The following SCRN1 variants were observed in gnomAD, a reference collection of about 807,000 sequenced individuals.
SCRN1 encodes the protein secernin-1.
SCRN1 carries 19 observed loss-of-function variants against 43.3 expected under a neutral mutation model. The observed-to-expected ratio is 0.44, with a 90% CI of 0.31 to 0.64. The LOEUF is 0.64. Ranked by LOEUF, SCRN1 falls within the 30% of genes least tolerant of loss-of-function variation. The pLI, the probability that SCRN1 is intolerant of heterozygous loss-of-function variation, is 0.09. For synonymous variants in SCRN1, 183 were observed against 188.9 expected (o/e 0.97, Z 0.26); for missense variants, 447 against 524.1 (o/e 0.85, Z 1.44).
chr7:29,953,211 T>A (rs1043309927), intron 3 of SCRN1, among the ~76,000 whole-genome samples: 1 of 152,230 alleles, frequency 6.6e-6, no homozygotes. Context: ...TTGAGTTACC[T>A]CTCTCCTACT....
At chr7:29,978,114 C>T (rs747827121) in intron 1 of SCRN1, among the ~76,000 whole-genome samples, 1 of 152,220 alleles carries the variant, frequency 6.6e-6, no homozygotes, top group Non-Finnish European at 1.5e-5. Flanking sequence ...TGACAGTTAA[C>T]TCTGTGGTCT....
chr7:29,960,003 AAGGAAGGGAGGG>A (rs1233578937), intron 2 of SCRN1, among the ~76,000 whole-genome samples: 1 of 108,032 alleles, frequency 9.3e-6, no homozygotes, highest in Non-Finnish European at 1.8e-5. Context: ...GAAAGGAAGG[AAGGAAGGGAGGG>A]AGGGAGGGAG....
At chr7:29,962,248 AATT>A (rs1384749103) in intron 2 of SCRN1, among the ~76,000 whole-genome samples, 2 of 148,046 alleles carry the variant, frequency 1.4e-5, no homozygotes, top group Admixed American at 6.8e-5. Flanking sequence ...TAAATTATAT[AATT>A]ATTAGATAAT....
chr7:29,946,952 A>G (rs1282970869), intron 3 of SCRN1, among the ~76,000 whole-genome samples: 1 of 152,226 alleles, frequency 6.6e-6, no homozygotes, highest in Non-Finnish European at 1.5e-5. Context: ...CCAGAGGCCA[A>G]TGTTAAAGCC....
intron 6 of SCRN1, among the ~76,000 whole-genome samples, chr7:29,930,751 C>T (rs1170229214): frequency 6.6e-6 from 1 of 152,234 alleles, no homozygotes; most frequent in Non-Finnish European, 1.5e-5. Flanking sequence ...GCCCCAGTCA[C>T]TCAGACTTCT....
intron 3 of SCRN1, among the ~76,000 whole-genome samples, chr7:29,954,312 T>C (rs1271584408): frequency 6.6e-6 from 1 of 151,962 alleles, no homozygotes; most frequent in Non-Finnish European, 1.5e-5. Flanking sequence ...TCTTTTCTAG[T>C]TTATGATTTT....
intron 4 of SCRN1, among the ~76,000 whole-genome samples, chr7:29,943,682 TA>T (rs1787631876): frequency 6.6e-6 from 1 of 152,128 alleles, no homozygotes; most frequent in South Asian, 2.1e-4. Flanking sequence ...CTTGGCCAAT[TA>T]ATAGAGTAAT....
At position 29,980,862 on chromosome 7, in the gene SCRN1, T is replaced by C. The variant is rs777118074; in HGVS notation, c.-2+8780A>G. On this transcript the variant is annotated intron_variant, in intron 1 of 7. Coordinates refer to ENST00000242059, the MANE Select transcript of SCRN1 (RefSeq NM_014766.5). ...GTATATACCTATATATGCGTGCATA[T>C]ACATTTATGTAAATATAAGTATAGG... is the stretch of plus-strand genomic sequence containing the variant. Among the ~76,000 whole-genome samples the C allele has an allele frequency of 6.0e-4, 92 of 152,322 alleles. 1 individual carries two copies. Among genetic ancestry groups the C allele is most frequent in the Non-Finnish European group, 6.8e-4 (46 of 68,024 alleles).
intron 3 of SCRN1, among the ~76,000 whole-genome samples, 192 bp downstream of exon 3, chr7:29,954,986 AT>A (rs979435423): frequency 4.0e-5 from 6 of 151,702 alleles, no homozygotes; most frequent in African/African-American, 1.2e-4. Flanking sequence ...CAGCCACTTG[AT>A]TTTTTTTTAT....
chr7:29,956,509 A>C (rs112192549), intron 2 of SCRN1, among the ~76,000 whole-genome samples: 145 of 152,294 alleles, frequency 9.5e-4, no homozygotes, highest in African/African-American at 3.5e-3. Flanking sequence ...GCAGCCTTAG[A>C]TCTTTCTTTT....
intron 1 of SCRN1, among the ~76,000 whole-genome samples, chr7:29,971,539 G>A (rs1226192282): frequency 6.6e-6 from 1 of 151,798 alleles, no homozygotes; most frequent in Non-Finnish European, 1.5e-5. Context: ...AGGCTGAGGA[G>A]GGAGGATCAT....
intron 2 of SCRN1, among the ~76,000 whole-genome samples, chr7:29,964,195 C>T (rs1337906746): frequency 6.6e-6 from 1 of 152,152 alleles, no homozygotes; most frequent in Non-Finnish European, 1.5e-5. Flanking sequence ...AAACTTATGT[C>T]TACACAAAAG....
intron 3 of SCRN1, among the ~76,000 whole-genome samples, chr7:29,951,504 T>C (rs373425050): frequency 7.2e-5 from 11 of 152,314 alleles, no homozygotes; most frequent in African/African-American, 2.4e-4. Context: ...AAGGATCGTG[T>C]GACACTGGGA....
At chr7:29,958,143 A>G (rs1023126247) in intron 2 of SCRN1, among the ~76,000 whole-genome samples, 1 of 152,188 alleles carries the variant, frequency 6.6e-6, no homozygotes, top group Non-Finnish European at 1.5e-5. Context: ...AGCCTGGAAC[A>G]CATGCCCCTT....
chr7:29,965,557 A>G lies in SCRN1; in HGVS notation c.159+3352T>C, dbSNP rs2128096752. On this transcript the variant is annotated intron_variant, in intron 2 of 7. Transcript: ENST00000242059. This position sits in a 1 kb window ranked among gnomAD's most constrained non-coding sequence, Gnocchi z 4.2. ...TGGCCGACAATGCATATGTTGTTACAGCAACATATATGAGCTGGGGGAAAT... is the reference window on the plus strand; with the variant it reads ...TGGCCGACAATGCATATGTTGTTACGGCAACATATATGAGCTGGGGGAAAT... Among the ~76,000 whole-genome samples the G allele has an allele frequency of 6.6e-6, 1 of 152,302 alleles. No homozygotes were observed. Among genetic ancestry groups the G allele is most frequent in the South Asian group, 2.1e-4 (1 of 4,826 alleles).
intron 1 of SCRN1, among the ~76,000 whole-genome samples, chr7:29,973,215 T>C (rs1181202185): frequency 6.6e-6 from 1 of 152,244 alleles, no homozygotes; most frequent in Admixed American, 6.5e-5. Flanking sequence ...TAGCTGTAGA[T>C]GCCAATTACA....
At chr7:29,979,719 G>T (rs1214511073) in intron 1 of SCRN1, among the ~76,000 whole-genome samples, 2 of 152,146 alleles carry the variant, frequency 1.3e-5, no homozygotes, top group Admixed American at 1.3e-4. Flanking sequence ...TAGGGATTTT[G>T]TAAGTGAAGG....
In SCRN1 at chr7:29,977,612, A is replaced by G. The variant is rs914583616; in HGVS notation, c.-1-8544T>C. 1.1e-4 allele frequency among the ~76,000 whole-genome samples: 16 copies of G among 152,258 alleles called. 1 individual carries two copies. The highest frequency in any genetic ancestry group is 5.9e-5 in the Non-Finnish European group (4 of 68,046). The stretch of plus-strand genomic sequence containing the variant: ...TGTTTCATTGAAAGCTCATGAGAGT[A>G]GAGCATAAAGCTTTGGGACTCCACA... On this transcript the variant is annotated intron_variant, in intron 1 of 7. Coordinates refer to ENST00000242059, the MANE Select transcript of SCRN1 (RefSeq NM_014766.5).
intron 6 of SCRN1, among the ~76,000 whole-genome samples, chr7:29,935,936 T>C (rs368593022): frequency 3.3e-5 from 5 of 152,238 alleles, no homozygotes; most frequent in African/African-American, 1.2e-4. Flanking sequence ...ATTCAGCTAC[T>C]ATGTGGCAAA....
Sources: allele counts gnomAD v4.1 joint callset (sites outside exome capture counted in the v4.1 genomes callset), GRCh38; gene constraint gnomAD v4.1.1; non-coding constraint Gnocchi (gnomAD v3.1); transcripts MANE v1.5; gene names NCBI Gene and HGNC (gene_info 2026-07-23, HGNC 2026-07-21).